AKTIP: variants seen among roughly 807,000 people sequenced by gnomAD.
The protein encoded by AKTIP is AKT interacting protein.
Under a neutral mutation model 39.1 loss-of-function variants are expected in AKTIP, and 16 were observed. The observed-to-expected ratio is 0.41, with a 90% CI of 0.28 to 0.62. The LOEUF is 0.62. Ranked by LOEUF, AKTIP falls within the 20% of genes least tolerant of loss-of-function variation. AKTIP has a pLI of 0.32. For synonymous variants in AKTIP, 93 were observed against 124.3 expected (o/e 0.75, Z 1.67); for missense variants, 262 against 356.6 (o/e 0.73, Z 2.14).
intron 5 of AKTIP, 92 bp downstream of exon 5, chr16:53,494,981 T>C (rs1208934743): frequency 1.7e-6 from 2 of 1,148,158 alleles, no homozygotes; most frequent in Non-Finnish European, 2.6e-6. Context: ...ATCATAAAGG[T>C]ACCAGGTCAG....
chr16:53,495,843 T>C (rs1961798229), intron 3 of AKTIP, among the ~76,000 whole-genome samples: 1 of 152,204 alleles, frequency 6.6e-6, no homozygotes, highest in African/African-American at 2.4e-5. Flanking sequence ...TACATTTTAA[T>C]CACAAGATCC....
rs1961978727 is a variant in AKTIP at position 53,498,546 on chromosome 16, A to G, written c.93T>C (p.Pro31=). Residue 31 remains proline (P), a synonymous_variant, in exon 3 of 10, where the codon CCT becomes CCC. Coordinates refer to ENST00000394657, the MANE Select transcript of AKTIP (RefSeq NM_022476.4). ...GCTGTTTCTTTGGTGCAGTTCGTGG[A>G]GGACTGGTTTTCACGTCCCCTGTTA... ...KTLTGDVKTS[P]PRTAPKKQLP... 2 of 1,614,098 alleles carry G rather than the reference A, an allele frequency of 1.2e-6. No individual in the cohort carries two copies. Among genetic ancestry groups the G allele is most frequent in the South Asian group, 2.2e-5 (2 of 91,086 alleles).
intron 2 of AKTIP, among the ~76,000 whole-genome samples, chr16:53,499,954 T>G (rs1366721645): frequency 6.6e-6 from 1 of 152,160 alleles, no homozygotes; most frequent in Non-Finnish European, 1.5e-5. Flanking sequence ...TGTTACAAAT[T>G]TCATCATGTG....
At chr16:53,495,416 G>GC (rs1245284478) in intron 3 of AKTIP, 90 bp from the exon 4 acceptor site, 1 of 1,227,928 alleles carries the variant, frequency 8.1e-7, no homozygotes, top group African/African-American at 1.5e-5. Flanking sequence ...ACAATGAACG[G>GC]CCCCTCAATG....
intron 3 of AKTIP, among the ~76,000 whole-genome samples, chr16:53,495,750 C>G (rs574109687): frequency 6.6e-6 from 1 of 152,266 alleles, no homozygotes; most frequent in East Asian, 1.9e-4. Context: ...TGCTTTTGTG[C>G]CTGGATGATC....
upstream of AKTIP, chr16:53,504,288 CG>C (rs1426805552): frequency 1.3e-5 from 2 of 152,364 alleles, no homozygotes; most frequent in African/African-American, 4.8e-5. Flanking sequence ...GCCCTCTCCC[CG>C]CAAGCCCCTG....
chr16:53,494,111 A>T (rs754415180), intron 8 of AKTIP, 27 bp downstream of exon 8: 1 of 1,499,368 alleles, frequency 6.7e-7, no homozygotes, highest in East Asian at 2.3e-5. Context: ...GACAGTGGAC[A>T]GTTCACTTGG....
intron 5 of AKTIP, 134 bp downstream of exon 5, chr16:53,494,939 G>A: frequency 1.2e-6 from 1 of 861,336 alleles, no homozygotes; most frequent in Admixed American, 2.0e-5. Flanking sequence ...GCAAAGCACA[G>A]AAGTCCCCCT....
chr16:53,499,758 G>A (rs1403786426), intron 2 of AKTIP, among the ~76,000 whole-genome samples: 1 of 152,092 alleles, frequency 6.6e-6, no homozygotes, highest in Non-Finnish European at 1.5e-5. Context: ...ACCGTGCCCA[G>A]CTGGTTTTTA....
At chr16:53,494,795 G>A in intron 5 of AKTIP, 190 bp from the exon 6 acceptor site, 1 of 703,772 alleles carries the variant, frequency 1.4e-6, no homozygotes, top group South Asian at 1.6e-5. Flanking sequence ...ATGAAGCGGG[G>A]AAAACTCCCT....
chr16:53,492,657 A>AT, intron 9 of AKTIP, 36 bp downstream of exon 9: 2 of 1,610,664 alleles, frequency 1.2e-6, no homozygotes, highest in South Asian at 2.2e-5. Context: ...AAAAGAAACA[A>AT]TGAGTTAGCC....
chr16:53,500,437 G>A, intron 1 of AKTIP, 108 bp from the exon 2 acceptor site: 1 of 584,180 alleles, frequency 1.7e-6, no homozygotes, highest in East Asian at 3.9e-5. Context: ...GAGTGCAGTG[G>A]TGTGATCTCG....
chr16:53,494,126 T>A lies in AKTIP; in HGVS notation c.710+12A>T. 1.3e-6 allele frequency: 2 copies of A among 1,592,918 alleles called. No homozygotes were observed. The highest frequency in any genetic ancestry group is 1.7e-6 in the Non-Finnish European group (2 of 1,160,852). On this transcript the variant is annotated intron_variant, in intron 8 of 9. Transcript: ENST00000394657. ...GACAGTGGACAGTTCACTTGGGGGATGCACCACTTACCTAATTGCATAGGG... is the reference window on the plus strand; with the variant it reads ...GACAGTGGACAGTTCACTTGGGGGAAGCACCACTTACCTAATTGCATAGGG...
chr16:53,498,109 A>G (rs1961949596), intron 3 of AKTIP, among the ~76,000 whole-genome samples: 1 of 152,248 alleles, frequency 6.6e-6, no homozygotes, highest in African/African-American at 2.4e-5. Flanking sequence ...CAAAACAGAC[A>G]TGGAAATTAA....
intron 3 of AKTIP, among the ~76,000 whole-genome samples, chr16:53,496,202 T>C (rs529617225): frequency 6.6e-6 from 1 of 152,330 alleles, no homozygotes; most frequent in East Asian, 1.9e-4. Context: ...TGAGTTATTA[T>C]CCGGTCCATT....
chr16:53,495,422 C>T (rs1477508160), intron 3 of AKTIP, 96 bp from the exon 4 acceptor site: 3 of 1,159,778 alleles, frequency 2.6e-6, no homozygotes, highest in African/African-American at 1.5e-5. Context: ...AACGGCCCCT[C>T]AATGGGCAGC....
chr16:53,494,094 T>C lies in AKTIP; in HGVS notation c.710+44A>G, dbSNP rs761831181. 1.4e-5 allele frequency: 20 copies of C among 1,418,268 alleles called. No individual in the cohort carries two copies. In the East Asian group the frequency reaches 4.3e-4, roughly 31 times the overall value. The allele number at this position is 1,418,268 out of a possible 1,614,324, so 87.9% of individuals were successfully genotyped here. A position where few individuals can be genotyped will look rare whatever the true frequency, so the allele number is the denominator to read the frequency against. ...CACCTGGAGAAAGGAAGCAGTGTAT[T>C]GGAAAGGACAGTGGACAGTTCACTT... On this transcript the variant is annotated intron_variant, in intron 8 of 9. Transcript: ENST00000394657.
chr16:53,491,620 G>A lies in AKTIP; in HGVS notation c.*792C>T, dbSNP rs1961467325. 1 of 152,570 alleles carries A rather than the reference G, an allele frequency of 6.6e-6. No homozygotes were observed. The highest frequency in any genetic ancestry group is 2.1e-4 in the South Asian group (1 of 4,834). The allele number at this position is 152,570 out of a possible 1,614,324, so 9.5% of individuals were successfully genotyped here. A position where few individuals can be genotyped will look rare whatever the true frequency, so the allele number is the denominator to read the frequency against. ...ACTGTAATTTTATATGAAGATAAGT[G>A]TATTTTTCAATAAAGCATTTATAAA... is the stretch of plus-strand genomic sequence containing the variant. On this transcript the variant is annotated 3_prime_UTR_variant, in exon 10 of 10. Transcript: ENST00000394657.
chr16:53,495,296 G>A lies in AKTIP; in HGVS notation c.279C>T (p.Gly93=), dbSNP rs989640238. 36 of 1,614,054 alleles carry A rather than the reference G, an allele frequency of 2.2e-5. No individual in the cohort carries two copies. Among genetic ancestry groups the A allele is most frequent in the East Asian group, 1.1e-4 (5 of 44,890 alleles). ...FTLVVKQKLP[G]VYVQPSYRSA... is the part of the protein sequence containing the mutation. ...AGCGATAAGATGGCTGCACATAGAC[G>A]CCTGGTAGCTTCTGCTTCACAACCA... Residue 93 remains glycine (G), a synonymous_variant, in exon 4 of 10, where the codon GGC becomes GGT. Coordinates refer to ENST00000394657, the MANE Select transcript of AKTIP (RefSeq NM_022476.4).
Sources: allele counts gnomAD v4.1 joint callset (sites outside exome capture counted in the v4.1 genomes callset), GRCh38; gene constraint gnomAD v4.1.1; transcripts MANE v1.5; gene names NCBI Gene and HGNC (gene_info 2026-07-23, HGNC 2026-07-21).